DCAF17: variants seen among roughly 807,000 people sequenced by gnomAD.
DCAF17 encodes DDB1 and CUL4 associated factor 17.
A neutral mutation model predicts 66.0 loss-of-function variants in DCAF17; 48 were observed. That is an observed-to-expected ratio of 0.73 (90% confidence interval 0.58 to 0.92). The LOEUF (loss-of-function observed/expected upper bound fraction) is 0.92. DCAF17 is among the 40% of genes least tolerant of loss of function. The pLI is 0.00. For missense variants in DCAF17, 562 were observed against 622.8 expected, an observed-to-expected ratio of 0.90 and a Z score of 1.04; for synonymous variants, 206 against 214.6, an observed-to-expected ratio of 0.96 and a Z score of 0.35.
intron 3 of DCAF17, chr2:171,447,376 CT>C: frequency 1.6e-5 from 6 of 365,680 alleles, no homozygotes; most frequent in South Asian, 5.8e-5. Flanking sequence ...TTCTTTTTTT[CT>C]TTTTTGAGAT....
intron 4 of DCAF17, 22 bp from the exon 5 acceptor site, chr2:171,449,857 C>A (rs1426615382): frequency 1.3e-6 from 2 of 1,598,206 alleles, no homozygotes; most frequent in Non-Finnish European, 1.7e-6. Flanking sequence ...AATAAATAAA[C>A]TTCTCTTCAT....
chr2:171,476,901 A>G lies in DCAF17; in HGVS notation c.1133A>G (p.His378Arg), dbSNP rs781538668. The G allele has an allele frequency of 1.2e-6, 2 of 1,613,856 alleles. No homozygotes were observed. The highest frequency in any genetic ancestry group is 1.7e-6 in the Non-Finnish European group (2 of 1,179,876). Reference protein sequence around the residue: ...LTEIENNSSQHQISEDFVILA... With the variant: ...LTEIENNSSQRQISEDFVILA... Reference sequence around the variant, plus strand: ...GAAATAGAAAATAATAGTTCTCAGCATCAGATCTCTGAAGATTTTGTCATT... The same window carrying G: ...GAAATAGAAAATAATAGTTCTCAGCGTCAGATCTCTGAAGATTTTGTCATT... Residue 378 changes from histidine to arginine, a missense_variant, in exon 11 of 14, where the codon CAT becomes CGT. By Grantham distance (29) the His-to-Arg change is conservative. Coordinates refer to ENST00000375255, the MANE Select transcript of DCAF17 (RefSeq NM_025000.4).
chr2:171,443,951 A>G (rs1694465044), intron 3 of DCAF17, among the ~76,000 whole-genome samples: 1 of 152,320 alleles, frequency 6.6e-6, no homozygotes, highest in East Asian at 1.9e-4. Flanking sequence ...ATACTGAAAC[A>G]GTAACAAAGT....
chr2:171,477,051 A>C, intron 11 of DCAF17, 101 bp downstream of exon 11: 1 of 859,974 alleles, frequency 1.2e-6, no homozygotes, highest in Admixed American at 2.1e-5. Flanking sequence ...AGAAAACAAC[A>C]GCACAGCCCT....
At position 171,453,138 on chromosome 2, in the gene DCAF17, ACAT is replaced by A. The variant is rs756526335; in HGVS notation, c.553_555del (p.His185del). The A allele has an allele frequency of 1.7e-5, 28 of 1,608,410 alleles. No homozygotes were observed. Among genetic ancestry groups the A allele is most frequent in the Non-Finnish European group, 2.4e-5 (28 of 1,177,172 alleles). On this transcript the variant is annotated inframe_deletion, in exon 6 of 14. Transcript: ENST00000375255. The stretch of plus-strand genomic sequence containing the variant: ...TTTCCTTCTAGGCAGGCATTCAACA[ACAT>A]GTTTTGCTGTACCTTGCAGTGTTCC...
rs537123658 is a variant in DCAF17 at position 171,475,735 on chromosome 2, C to G, written c.1092-1125C>G. On this transcript the variant is annotated intron_variant, in intron 10 of 13. Coordinates refer to ENST00000375255, the MANE Select transcript of DCAF17 (RefSeq NM_025000.4). ...CTATGATTGTAGCGCTGTACTCCAG[C>G]CTGGGTAATGGAGTAAGACCCTGTC... Among the ~76,000 whole-genome samples the G allele has an allele frequency of 2.0e-5, 3 of 152,198 alleles. No homozygotes were observed. In the South Asian group the frequency reaches 6.2e-4, roughly 32 times the overall value.
intron 6 of DCAF17, among the ~76,000 whole-genome samples, chr2:171,454,565 T>C (rs1164442209): frequency 1.3e-5 from 2 of 152,080 alleles, no homozygotes; most frequent in Admixed American, 6.5e-5. Flanking sequence ...ATTACAGGCA[T>C]AAGCCACCGC....
At chr2:171,441,210 A>G (rs970598715) in intron 2 of DCAF17, among the ~76,000 whole-genome samples, 11 of 152,208 alleles carry the variant, frequency 7.2e-5, no homozygotes, top group Non-Finnish European at 1.6e-4. Context: ...GGAAAGAGCC[A>G]CAGAGCTATC....
rs1375027397 is a variant in DCAF17, at chr2:171,483,763, C to T, written c.*2649C>T. On this transcript the variant is annotated 3_prime_UTR_variant, in exon 14 of 14. Coordinates refer to ENST00000375255, the MANE Select transcript of DCAF17 (RefSeq NM_025000.4). ...TCAGAATAACCACATGAAGTATGAACTGCCATTATCTTTCCCCTTTGTACA... is the reference window on the plus strand; with the variant it reads ...TCAGAATAACCACATGAAGTATGAATTGCCATTATCTTTCCCCTTTGTACA... 2.2e-6 allele frequency: 1 copy of T among 454,036 alleles called. No homozygotes were observed. Among genetic ancestry groups the T allele is most frequent in the South Asian group, 1.6e-5 (1 of 64,474 alleles). 28.1% of individuals were successfully genotyped at this position (454,036 alleles called of 1,614,324 possible).
At position 171,453,031 on chromosome 2, in the gene DCAF17, A is replaced by T. The variant is rs1293055494; in HGVS notation, c.538-93A>T. 7 of 814,434 alleles carry T rather than the reference A, an allele frequency of 8.6e-6. No homozygotes were observed. In the Admixed American group the frequency reaches 1.3e-4, roughly 15 times the overall value. 50.5% of individuals were successfully genotyped at this position (814,434 alleles called of 1,614,324 possible). A position where few individuals can be genotyped will look rare whatever the true frequency, so the allele number is the denominator to read the frequency against. ...AATATGAAAATGTCTGTATAACTAC[A>T]TGCTAGAACAGATGGATTTTTTCAA... On this transcript the variant is annotated intron_variant, in intron 5 of 13. Transcript: ENST00000375255.
chr2:171,483,484 T>C lies in DCAF17; in HGVS notation c.*2370T>C, dbSNP rs1340198868. 1 of 454,032 alleles carries C rather than the reference T, an allele frequency of 2.2e-6. No homozygotes were observed. The highest frequency in any genetic ancestry group is 4.4e-6 in the Non-Finnish European group (1 of 226,808). The allele number at this position is 454,032 out of a possible 1,614,324, so 28.1% of individuals were successfully genotyped here. A position where few individuals can be genotyped will look rare whatever the true frequency, so the allele number is the denominator to read the frequency against. On this transcript the variant is annotated 3_prime_UTR_variant, in exon 14 of 14. Transcript: ENST00000375255. ...TCAGAGCATCAATGCAGCAAGCTTA[T>C]TGTTCCTCAATTTTTTACAATATTT...
At chr2:171,448,928 C>T (rs1294211744) in intron 4 of DCAF17, 111 bp downstream of exon 4, 3 of 948,666 alleles carry the variant, frequency 3.2e-6, no homozygotes, top group Non-Finnish European at 3.3e-6. Context: ...ATTACCAGAT[C>T]TCAATTAATA....
Position 171,483,256 on chromosome 2 carries a change from C to T in DCAF17, c.*2142C>T. 2.2e-6 allele frequency: 1 copy of T among 454,096 alleles called. No homozygotes were observed. Among genetic ancestry groups the T allele is most frequent in the Non-Finnish European group, 4.4e-6 (1 of 226,788 alleles). The allele number at this position is 454,096 out of a possible 1,614,324, so 28.1% of individuals were successfully genotyped here. A position where few individuals can be genotyped will look rare whatever the true frequency, so the allele number is the denominator to read the frequency against. ...CTGCCCTACCTAAACCCCCTCTTTA[C>T]CTGATATTTTAATTCGAGACTCTAG... On this transcript the variant is annotated 3_prime_UTR_variant, in exon 14 of 14. Coordinates refer to ENST00000375255, the MANE Select transcript of DCAF17 (RefSeq NM_025000.4).
chr2:171,469,582 A>G (rs1183070483), intron 9 of DCAF17, among the ~76,000 whole-genome samples: 4 of 152,204 alleles, frequency 2.6e-5, no homozygotes, highest in Non-Finnish European at 4.4e-5. Context: ...TTTCTTTTTA[A>G]AAATGGCTTA....
intron 3 of DCAF17, among the ~76,000 whole-genome samples, chr2:171,446,359 A>C (rs1694624441): frequency 6.6e-6 from 1 of 152,090 alleles, no homozygotes; most frequent in Non-Finnish European, 1.5e-5. Flanking sequence ...CAGCCTGACC[A>C]ACATAGTGAA....
intron 3 of DCAF17, among the ~76,000 whole-genome samples, chr2:171,445,896 T>C (rs1211642147): frequency 6.6e-6 from 1 of 151,996 alleles, no homozygotes; most frequent in African/African-American, 2.4e-5. Flanking sequence ...TTGCCTAGGC[T>C]AGTCTTGAAC....
Position 171,482,022 on chromosome 2 carries a change from G to T in DCAF17, c.*908G>T, listed in dbSNP as rs1459958049. The T allele has an allele frequency of 2.2e-6, 1 of 454,046 alleles. No individual in the cohort carries two copies. Among genetic ancestry groups the T allele is most frequent in the Non-Finnish European group, 4.4e-6 (1 of 226,744 alleles). The allele number at this position is 454,046 out of a possible 1,614,324, so 28.1% of individuals were successfully genotyped here. ...AGAAGAAGTTCTTACTAGCTTGGGA[G>T]TTACCTGATTAACCAGAGAAAATTT... On this transcript the variant is annotated 3_prime_UTR_variant, in exon 14 of 14. Coordinates refer to ENST00000375255, the MANE Select transcript of DCAF17 (RefSeq NM_025000.4).
At chr2:171,450,856 C>G (rs1441933299) in intron 5 of DCAF17, among the ~76,000 whole-genome samples, 1 of 152,064 alleles carries the variant, frequency 6.6e-6, no homozygotes, top group African/African-American at 2.4e-5. Flanking sequence ...TCCCATTTTA[C>G]AGGTGAGGAT....
At position 171,449,856 on chromosome 2, in the gene DCAF17, ACTT is replaced by A. The variant is rs1391628576; in HGVS notation, c.459-20_459-18del. Reference sequence around the variant, plus strand: ...TAAGGAAACTGACCCAAATAAATAAACTTCTCTTCATTCTTTTAAAAGATACTT... The same window carrying A: ...TAAGGAAACTGACCCAAATAAATAAACTCTTCATTCTTTTAAAAGATACTT... On this transcript the variant is annotated intron_variant, in intron 4 of 13. Transcript: ENST00000375255. 3 of 1,597,422 alleles carry A rather than the reference ACTT, an allele frequency of 1.9e-6. No individual in the cohort carries two copies. The highest frequency in any genetic ancestry group is 2.7e-5 in the African/African-American group (2 of 74,718).
Sources: allele counts gnomAD v4.1 joint callset (sites outside exome capture counted in the v4.1 genomes callset), GRCh38; gene constraint gnomAD v4.1.1; transcripts MANE v1.5; gene names NCBI Gene and HGNC (gene_info 2026-07-23, HGNC 2026-07-21).